Variants in KCNH7 observed in about 807,000 individuals in gnomAD.
KCNH7 encodes voltage-gated inwardly rectifying potassium channel KCNH7.
Under a neutral mutation model 120.8 loss-of-function variants are expected in KCNH7, and 49 were observed. The ratio of observed to expected loss-of-function variants is 0.41; its 90% confidence interval spans 0.32 to 0.51. KCNH7 has a LOEUF of 0.51. Ranked by LOEUF, KCNH7 falls within the 20% of genes least tolerant of loss-of-function variation. The probability of loss-of-function intolerance (pLI) is 0.38; values close to 1 mark genes in which losing one functional copy is unlikely to be tolerated. For missense variants in KCNH7, 1,097 were observed against 1,446.6 expected (o/e 0.76, Z 3.92); for synonymous variants, 547 against 516.1 (o/e 1.06, Z -0.81).
intron 2 of KCNH7, among the ~76,000 whole-genome samples, chr2:162,630,710 T>C (rs781702335): frequency 3.9e-5 from 6 of 152,136 alleles, no homozygotes; most frequent in Non-Finnish European, 5.9e-5. Context: ...GCAATATTAA[T>C]GTAGTGCATT....
At chr2:162,806,877 A>T (rs1003542563) in intron 2 of KCNH7, among the ~76,000 whole-genome samples, 2 of 152,148 alleles carry the variant, frequency 1.3e-5, no homozygotes, top group Non-Finnish European at 2.9e-5. Flanking sequence ...AACTAGATTA[A>T]CTCAAAGTAT....
chr2:162,728,055 TATG>T (rs981709822), intron 2 of KCNH7, among the ~76,000 whole-genome samples: 1 of 152,174 alleles, frequency 6.6e-6, no homozygotes, highest in Non-Finnish European at 1.5e-5. Context: ...TTCTGTGTCA[TATG>T]ATATGTGAAT....
At chr2:162,688,200 C>T (rs558485144) in intron 2 of KCNH7, among the ~76,000 whole-genome samples, 1 of 152,090 alleles carries the variant, frequency 6.6e-6, no homozygotes, top group African/African-American at 2.4e-5. Context: ...CATCCTTTAG[C>T]TGTTAAGAAT....
rs189915879 is a variant in KCNH7 at position 162,662,249 on chromosome 2, C to T, written c.308-125169G>A. ...CTGTACTCCAGCCTGGGTGACAGGGCGAGACTCTGTCTCAAAAAAAGGAAA... is the reference window on the plus strand; with the variant it reads ...CTGTACTCCAGCCTGGGTGACAGGGTGAGACTCTGTCTCAAAAAAAGGAAA... On this transcript the variant is annotated intron_variant, in intron 2 of 15. Transcript: ENST00000332142. Among the ~76,000 whole-genome samples the T allele has an allele frequency of 8.4e-3, 1,271 of 151,694 alleles. 10 individuals are homozygous for T. Among genetic ancestry groups the T allele is most frequent in the Middle Eastern group, 0.017 (5 of 294 alleles).
intron 2 of KCNH7, among the ~76,000 whole-genome samples, chr2:162,554,329 C>T (rs1294543289): frequency 6.6e-6 from 1 of 152,146 alleles, no homozygotes; most frequent in East Asian, 1.9e-4. Flanking sequence ...CTGTATCATT[C>T]TGGAAAATAT....
chr2:162,444,921 GA>G (rs953376558), intron 7 of KCNH7, among the ~76,000 whole-genome samples: 21 of 145,394 alleles, frequency 1.4e-4, no homozygotes, highest in South Asian at 4.3e-4. Context: ...TCTCAAATTA[GA>G]AAAAAAAAAG....
intron 9 of KCNH7, among the ~76,000 whole-genome samples, chr2:162,401,614 A>C (rs1003044779): frequency 3.3e-5 from 5 of 151,958 alleles, no homozygotes; most frequent in Admixed American, 2.6e-4. Context: ...ATATTCAAGT[A>C]AGCACAAGGA....
chr2:162,670,830 AC>A (rs1175273756), intron 2 of KCNH7, among the ~76,000 whole-genome samples: 1 of 152,136 alleles, frequency 6.6e-6, no homozygotes, highest in Admixed American at 6.5e-5. Context: ...AAGAAATAAA[AC>A]AAATAAAACA....
At chr2:162,760,638 A>G (rs1043306230) in intron 2 of KCNH7, among the ~76,000 whole-genome samples, 2 of 152,058 alleles carry the variant, frequency 1.3e-5, no homozygotes, top group African/African-American at 2.4e-5. Context: ...TGAGCCATAT[A>G]CTAGTATTCT....
intron 2 of KCNH7, among the ~76,000 whole-genome samples, chr2:162,685,510 C>T (rs1323556590): frequency 6.6e-6 from 1 of 151,998 alleles, no homozygotes; most frequent in Non-Finnish European, 1.5e-5. Flanking sequence ...ACTTGTTACA[C>T]ATGCTCGGAA....
At chr2:162,383,312 C>T (rs1258746512) in intron 13 of KCNH7, among the ~76,000 whole-genome samples, 15 of 151,928 alleles carry the variant, frequency 9.9e-5, no homozygotes, top group Admixed American at 9.9e-4. Flanking sequence ...TCCCAGAATC[C>T]ATTTTCATAA....
intron 2 of KCNH7, among the ~76,000 whole-genome samples, chr2:162,741,400 G>C (rs1384763159): frequency 6.6e-6 from 1 of 150,816 alleles, no homozygotes; most frequent in Non-Finnish European, 1.5e-5. Context: ...CAAAAAATGA[G>C]AGCAAAAGCA....
chr2:162,399,378 T>A (rs531768954), intron 10 of KCNH7, among the ~76,000 whole-genome samples: 38 of 151,812 alleles, frequency 2.5e-4, no homozygotes, highest in African/African-American at 8.4e-4. Flanking sequence ...GTTTTTAAAA[T>A]TTTTTTATTA....
At chr2:162,727,281 A>G (rs936124389) in intron 2 of KCNH7, among the ~76,000 whole-genome samples, 9 of 152,180 alleles carry the variant, frequency 5.9e-5, no homozygotes, top group African/African-American at 1.9e-4. Flanking sequence ...ATTTTTTATT[A>G]AGATTTTTTT....
chr2:162,817,123 G>C (rs1376072175), intron 2 of KCNH7, among the ~76,000 whole-genome samples: 2 of 152,138 alleles, frequency 1.3e-5, no homozygotes, highest in Non-Finnish European at 2.9e-5. Flanking sequence ...CAATGTGTTA[G>C]ATTTGAACCA....
At chr2:162,416,651 A>G (rs1687549119) in intron 9 of KCNH7, among the ~76,000 whole-genome samples, 1 of 152,126 alleles carries the variant, frequency 6.6e-6, no homozygotes, top group East Asian at 1.9e-4. Context: ...CAGCATACTG[A>G]TCTAAGAAGA....
chr2:162,432,198 G>A (rs556653259), intron 8 of KCNH7, among the ~76,000 whole-genome samples: 8 of 151,948 alleles, frequency 5.3e-5, no homozygotes, highest in African/African-American at 1.4e-4. Context: ...AGTTTTAATC[G>A]CAAAATGGTT....
chr2:162,784,763 A>T (rs1386202372), intron 2 of KCNH7: 1 of 152,190 alleles, frequency 6.6e-6, no homozygotes, highest in East Asian at 1.9e-4. Flanking sequence ...GTAAGATATT[A>T]CATGAGTGTT....
chr2:162,593,922 C>T (rs1301008023), intron 2 of KCNH7, among the ~76,000 whole-genome samples: 2 of 151,940 alleles, frequency 1.3e-5, no homozygotes, highest in East Asian at 1.9e-4. Context: ...TGCATATTCT[C>T]ATTCTAGTGT....
Sources: allele counts gnomAD v4.1 joint callset (sites outside exome capture counted in the v4.1 genomes callset), GRCh38; gene constraint gnomAD v4.1.1; transcripts MANE v1.5; gene names NCBI Gene and HGNC (gene_info 2026-07-23, HGNC 2026-07-21).